Variants in GAREM1 observed in about 807,000 individuals in gnomAD.
GAREM1 encodes GRB2-associated and regulator of MAPK protein 1.
Under a neutral mutation model 71.3 loss-of-function variants are expected in GAREM1, and 26 were observed. The ratio of observed to expected loss-of-function variants is 0.36; its 90% confidence interval spans 0.27 to 0.51. The LOEUF (loss-of-function observed/expected upper bound fraction) is 0.51, where lower values mean the gene tolerates loss of function less well. GAREM1 is among the 20% of genes least tolerant of loss of function. The pLI is 0.95. For synonymous variants in GAREM1, 440 were observed against 433.2 expected (o/e 1.02, Z -0.20); for missense variants, 1,026 against 1,103.1 (o/e 0.93, Z 0.99).
At chr18:32,398,881 C>A (rs939384962) in intron 1 of GAREM1, among the ~76,000 whole-genome samples, 4 of 152,186 alleles carry the variant, frequency 2.6e-5, no homozygotes, top group Admixed American at 1.3e-4. Context: ...GAATTTTAGA[C>A]CAATATCCTG....
intron 2 of GAREM1, among the ~76,000 whole-genome samples, chr18:32,332,093 C>T (rs963830615): frequency 1.7e-4 from 26 of 151,606 alleles, no homozygotes; most frequent in African/African-American, 5.3e-4. Context: ...TGGGGACTTG[C>T]GTCCTCTTCC....
At chr18:32,367,676 GT>G (rs1257384802) in intron 2 of GAREM1, among the ~76,000 whole-genome samples, 2 of 152,060 alleles carry the variant, frequency 1.3e-5, no homozygotes, top group African/African-American at 4.8e-5. Context: ...ACTCGCTTAG[GT>G]TTTAGGGATA....
chr18:32,309,401 G>T (rs1026918303), intron 3 of GAREM1, among the ~76,000 whole-genome samples: 1 of 148,762 alleles, frequency 6.7e-6, no homozygotes, highest in Non-Finnish European at 1.5e-5. Context: ...AGATCACGAG[G>T]TCAGGAGCTT....
At chr18:32,426,105 G>C (rs943675085) in intron 1 of GAREM1, among the ~76,000 whole-genome samples, 2 of 152,134 alleles carry the variant, frequency 1.3e-5, no homozygotes, top group Non-Finnish European at 2.9e-5. Context: ...TGCAACCTCT[G>C]CCTCCCAGGT....
chr18:32,277,181 C>T (rs981759752), intron 4 of GAREM1, among the ~76,000 whole-genome samples: 1 of 152,114 alleles, frequency 6.6e-6, no homozygotes, highest in Non-Finnish European at 1.5e-5. Flanking sequence ...GGGCAGATCA[C>T]TCTTCTCAGG....
At chr18:32,334,192 T>C (rs1278308697) in intron 2 of GAREM1, among the ~76,000 whole-genome samples, 2 of 152,034 alleles carry the variant, frequency 1.3e-5, no homozygotes, top group African/African-American at 4.8e-5. Context: ...GAAAAATCTA[T>C]AGGAGAAGAG....
In GAREM1 at chr18:32,267,949, G is replaced by A; in HGVS notation, c.2553C>T (p.Leu851=). The change falls in exon 6 of 6, where the codon CTC becomes CTT. Residue 851 remains leucine (L), a synonymous_variant. Coordinates refer to ENST00000269209, the MANE Select transcript of GAREM1 (RefSeq NM_001242409.2). ...NLLVQLTEEI[L]SEDFKLSKLQ... is the part of the protein sequence containing the mutation. ...ATTTGCTCAATTTGAAATCCTCTGAGAGGATTTCTTCCGTTAGCTGAACAA... is the reference window on the plus strand; with the variant it reads ...ATTTGCTCAATTTGAAATCCTCTGAAAGGATTTCTTCCGTTAGCTGAACAA... 6.2e-7 allele frequency: 1 copy of A among 1,614,020 alleles called. No individual in the cohort carries two copies.
rs80318932 is a variant in GAREM1 at position 32,361,181 on chromosome 18, G to A, written c.262+31714C>T. The stretch of plus-strand genomic sequence containing the variant: ...CTACATTGCCTCACACAGTTCATAA[G>A]TAGATTATCTGCCTTGGGGATCACC... On this transcript the variant is annotated intron_variant, in intron 2 of 5. Transcript: ENST00000269209. 8.6e-3 allele frequency among the ~76,000 whole-genome samples: 1,307 copies of A among 152,250 alleles called. 13 individuals carry two copies. Among genetic ancestry groups the A allele is most frequent in the South Asian group, 0.018 (85 of 4,824 alleles).
intron 2 of GAREM1, among the ~76,000 whole-genome samples, chr18:32,354,585 A>G (rs1448617902): frequency 6.6e-6 from 1 of 152,164 alleles, no homozygotes; most frequent in Non-Finnish European, 1.5e-5. Flanking sequence ...CCTCTCTAAA[A>G]CTTCTCCGCA....
intron 1 of GAREM1, among the ~76,000 whole-genome samples, chr18:32,423,107 G>A (rs951340005): frequency 1.3e-5 from 2 of 152,218 alleles, no homozygotes; most frequent in Non-Finnish European, 2.9e-5. Flanking sequence ...GGGGAACACA[G>A]TGAAGCAACA....
rs2049036613 is a variant in GAREM1 at position 32,470,143 on chromosome 18, T to C, written c.121+165A>G. 6 of 758,218 alleles carry C rather than the reference T, an allele frequency of 7.9e-6. No individual in the cohort carries two copies. The highest frequency in any genetic ancestry group is 3.7e-5 in the African/African-American group (2 of 54,550). The allele number at this position is 758,218 out of a possible 1,614,324, so 47.0% of individuals were successfully genotyped here. On this transcript the variant is annotated intron_variant, in intron 1 of 5. Coordinates refer to ENST00000269209, the MANE Select transcript of GAREM1 (RefSeq NM_001242409.2). The surrounding 1 kb of genome is among the most constrained non-coding windows in gnomAD (Gnocchi z 4.4). ...CCTCCTTGTCTGCTGCTGGGGGGAG[T>C]TGAGAGCAACGCGCCAGGGCTGCGG... is the stretch of plus-strand genomic sequence containing the variant.
intron 2 of GAREM1, among the ~76,000 whole-genome samples, chr18:32,382,411 A>C (rs1414486788): frequency 1.3e-5 from 2 of 152,062 alleles, no homozygotes; most frequent in African/African-American, 4.8e-5. Context: ...GGTGGTGGCT[A>C]TGAGGTGTGA....
At position 32,311,786 on chromosome 18, in the gene GAREM1, C is replaced by G. The variant is rs139685145; in HGVS notation, c.263-1463G>C. Among the ~76,000 whole-genome samples, 538 of 152,316 alleles carry G rather than the reference C, an allele frequency of 3.5e-3. 1 individual carries two copies. The highest frequency in any genetic ancestry group is 8.6e-3 in the African/African-American group (359 of 41,566). On this transcript the variant is annotated intron_variant, in intron 2 of 5. Coordinates refer to ENST00000269209, the MANE Select transcript of GAREM1 (RefSeq NM_001242409.2). ...GTAGCAGGTGGTCAGACTGTATATG[C>G]CTTTTAAGGAGTTGCACTCTTCACC...
intron 4 of GAREM1, among the ~76,000 whole-genome samples, chr18:32,284,752 C>CTTTTTTTT (rs34946592): frequency 8.2e-6 from 1 of 121,246 alleles, no homozygotes; most frequent in South Asian, 2.4e-4. Flanking sequence ...TGCCCCCTTA[C>CTTTTTTTT]TTTTTTTTTT....
At chr18:32,372,516 A>T (rs2144628506) in intron 2 of GAREM1, among the ~76,000 whole-genome samples, 1 of 152,316 alleles carries the variant, frequency 6.6e-6, no homozygotes, top group South Asian at 2.1e-4. Context: ...CCTAGGAGCT[A>T]TGCCTCTGAA....
chr18:32,364,678 G>C (rs2047911454), intron 2 of GAREM1, among the ~76,000 whole-genome samples: 1 of 152,102 alleles, frequency 6.6e-6, no homozygotes, highest in Non-Finnish European at 1.5e-5. Flanking sequence ...ACAAATTAAG[G>C]TTGGTAAAAT....
chr18:32,320,427 G>A (rs2047417937), intron 2 of GAREM1, among the ~76,000 whole-genome samples: 2 of 152,108 alleles, frequency 1.3e-5, no homozygotes, highest in Admixed American at 1.3e-4. Flanking sequence ...ATTACTTGAA[G>A]TTAGTTCCTA....
intron 2 of GAREM1, among the ~76,000 whole-genome samples, chr18:32,364,007 TATATATATATATATA>T (rs2047895659): frequency 2.1e-5 from 1 of 48,048 alleles, no homozygotes; most frequent in African/African-American, 1.0e-4. Context: ...TATATATATA[TATATATATATATATA>T]TATATGTTTT....
chr18:32,386,127 G>A (rs891677545), intron 2 of GAREM1, among the ~76,000 whole-genome samples: 2 of 152,006 alleles, frequency 1.3e-5, no homozygotes, highest in African/African-American at 2.4e-5. Flanking sequence ...TTTCCATTTC[G>A]TCACATAAGC....
Sources: allele counts gnomAD v4.1 joint callset (sites outside exome capture counted in the v4.1 genomes callset), GRCh38; gene constraint gnomAD v4.1.1; non-coding constraint Gnocchi (gnomAD v3.1); transcripts MANE v1.5; gene names NCBI Gene and HGNC (gene_info 2026-07-23, HGNC 2026-07-21).